The following PNPT1 variants were observed in gnomAD, a reference collection of about 807,000 sequenced individuals.
The protein encoded by PNPT1 is polyribonucleotide nucleotidyltransferase 1, mitochondrial.
PNPT1 carries 53 observed loss-of-function variants against 119.5 expected under a neutral mutation model. The ratio of observed to expected loss-of-function variants is 0.44; its 90% CI spans 0.36 to 0.56. PNPT1 has a LOEUF of 0.56. Among genes scored for constraint, PNPT1 ranks in the 20% least tolerant of loss-of-function variants. The probability of loss-of-function intolerance (pLI) is 0.00; values close to 1 mark genes in which losing one functional copy is unlikely to be tolerated. For missense variants in PNPT1, 948 were observed against 938.5 expected (o/e 1.01, Z -0.13); for synonymous variants, 357 against 322.1 (o/e 1.11, Z -1.16).
intron 8 of PNPT1, among the ~76,000 whole-genome samples, chr2:55,679,340 T>C (rs1697176392): frequency 6.6e-6 from 1 of 152,176 alleles, no homozygotes; most frequent in Non-Finnish European, 1.5e-5. Flanking sequence ...ATTTTTAAAA[T>C]AAGTTATTTA....
In PNPT1 at chr2:55,646,315, A is replaced by C; in HGVS notation, c.1682T>G (p.Ile561Ser). The C allele has an allele frequency of 6.2e-7, 1 of 1,612,444 alleles. No individual in the cohort carries two copies. The highest frequency in any genetic ancestry group is 8.5e-7 in the Non-Finnish European group (1 of 1,178,676). Residue 561 changes from isoleucine to serine, a missense_variant, in exon 21 of 28, where the codon ATT (isoleucine) becomes AGT (serine). Ile to Ser is a moderately radical substitution (Grantham distance 142). Coordinates refer to ENST00000447944, the MANE Select transcript of PNPT1 (RefSeq NM_033109.5). ...TTTTATTGGTATTCCAGGTAATTTA[A>C]TATCAGCCTAATATGGAAAAGTCAA... ...NKGITALQAD[I>S]KLPGIPIKIV...
At position 55,687,688 on chromosome 2, in the gene PNPT1, G is replaced by C. The variant is rs1321006057; in HGVS notation, c.179C>G (p.Ser60Cys). The change falls in exon 2 of 28, where the codon TCT becomes TGT. Residue 60 changes from serine (S) to cysteine (C), a missense_variant. By Grantham distance (112) the Ser-to-Cys change is moderately radical. Transcript: ENST00000447944. ...ATCTGCAAATCTGGCCAGCTTTCCA[G>C]AAGATATTTCTAATTTCCTGTTTAA... ...DLGNRKLEIS[S>C]GKLARFADGS... 1.9e-6 allele frequency: 3 copies of C among 1,602,098 alleles called. No homozygotes were observed. Among genetic ancestry groups the C allele is most frequent in the Non-Finnish European group, 2.6e-6 (3 of 1,175,748 alleles).
chr2:55,640,295 A>G (rs747891985), intron 26 of PNPT1, among the ~76,000 whole-genome samples: 10 of 152,138 alleles, frequency 6.6e-5, no homozygotes, highest in African/African-American at 1.7e-4. Context: ...CTAAGACTAC[A>G]TGCGCACGCC....
Position 55,680,118 on chromosome 2 carries a change from C to A in PNPT1, c.566-323G>T, listed in dbSNP as rs1697198838. ...ACTAAGGTTCAGCTTACACAAATGACTACTCTGAGGAGCCCTCCTTGACAA... is the reference window on the plus strand; with the variant it reads ...ACTAAGGTTCAGCTTACACAAATGAATACTCTGAGGAGCCCTCCTTGACAA... On this transcript the variant is annotated intron_variant, in intron 7 of 27. Coordinates refer to ENST00000447944, the MANE Select transcript of PNPT1 (RefSeq NM_033109.5). 2.6e-5 allele frequency among the ~76,000 whole-genome samples: 4 copies of A among 152,318 alleles called. No individual in the cohort carries two copies. In the South Asian group the frequency reaches 8.3e-4, roughly 32 times the overall value.
chr2:55,680,746 G>A lies in PNPT1; in HGVS notation c.531C>T (p.Leu177=), dbSNP rs768783323. 1.5e-5 allele frequency: 25 copies of A among 1,613,290 alleles called. No individual in the cohort carries two copies. The highest frequency in any genetic ancestry group is 2.0e-5 in the Non-Finnish European group (24 of 1,179,840). The change falls in exon 7 of 28, where the codon CTC becomes CTT. Residue 177 remains leucine, a synonymous_variant. Coordinates refer to ENST00000447944, the MANE Select transcript of PNPT1 (RefSeq NM_033109.5). ...VLAINGASVA[L]SLSDIPWNGP... ...CATTCCAAGGAATATCTGATAATGA[G>A]AGGGCTACGGAAGCTTAAAAAAGGA...
At chr2:55,680,606 AAGAGGTAATAAATC>A in intron 7 of PNPT1, 92 bp downstream of exon 7, 1 of 1,015,258 alleles carries the variant, frequency 9.8e-7, no homozygotes, top group Non-Finnish European at 1.5e-6. Context: ...TCAATTCATG[AAGAGGTAATAAATC>A]AGAGCCATAT....
At chr2:55,684,149 A>C (rs900242774) in intron 4 of PNPT1, among the ~76,000 whole-genome samples, 5 of 152,214 alleles carry the variant, frequency 3.3e-5, no homozygotes, top group Non-Finnish European at 5.9e-5. Flanking sequence ...CCAAAAGAAA[A>C]TGCTTCCTTG....
At chr2:55,650,647 G>A (rs1696148265) in intron 18 of PNPT1, among the ~76,000 whole-genome samples, 1 of 142,658 alleles carries the variant, frequency 7.0e-6, no homozygotes, top group African/African-American at 2.7e-5. Flanking sequence ...GCCGCCCATC[G>A]TCTGAGATGT....
Position 55,672,024 on chromosome 2 carries a change from CAT to C in PNPT1, c.887_888del (p.Tyr296CysfsTer9), listed in dbSNP as rs1400164853. 11 of 1,602,572 alleles carry C rather than the reference CAT, an allele frequency of 6.9e-6. No homozygotes were observed. The highest frequency in any genetic ancestry group is 7.7e-6 in the Non-Finnish European group (9 of 1,175,026). ...YTHKLAMERL[Y>X]AVFTDYEHDK... is the part of the protein sequence containing the mutation. The stretch of plus-strand genomic sequence containing the variant: ...TCATGCTCGTAATCTGTAAAAACTG[CAT>C]AGAGTCTCTCCATAGCAAGTCTATT... On this transcript the variant is annotated frameshift_variant, in exon 10 of 28. Transcript: ENST00000447944. LOFTEE classifies it high-confidence loss of function.
chr2:55,651,899 A>AC (rs1402556297), intron 18 of PNPT1, among the ~76,000 whole-genome samples: 12 of 151,410 alleles, frequency 7.9e-5, no homozygotes, highest in African/African-American at 2.9e-4. Flanking sequence ...AAAAAAAAAA[A>AC]AAAAACAATA....
Position 55,686,454 on chromosome 2 carries a change from A to T in PNPT1, c.223-10T>A. ...CTGCAGTGTCACCTGACTTAAACAT[A>T]AAGAACAACGCTGGTAAGTTCCTTT... is the stretch of plus-strand genomic sequence containing the variant. On this transcript the variant is annotated splice_polypyrimidine_tract_variant and intron_variant, in intron 2 of 27. Coordinates refer to ENST00000447944, the MANE Select transcript of PNPT1 (RefSeq NM_033109.5). The T allele has an allele frequency of 6.2e-7, 1 of 1,609,836 alleles. No homozygotes were observed. Among genetic ancestry groups the T allele is most frequent in the African/African-American group, 1.3e-5 (1 of 74,938 alleles).
rs1207839416 is a variant in PNPT1 at position 55,661,980 on chromosome 2, G to A, written c.1223C>T (p.Ser408Leu). 7.0e-6 allele frequency: 11 copies of A among 1,574,304 alleles called. No homozygotes were observed. Among genetic ancestry groups the A allele is most frequent in the Non-Finnish European group, 9.4e-6 (11 of 1,167,216 alleles). ...TFDSLESGIK[S>L]DQVITAINGI... ...CTTTATAGCTGTTATAACTTGATCTGACTTAATACCAGATTCTAATGAATC... is the reference window on the plus strand; with the variant it reads ...CTTTATAGCTGTTATAACTTGATCTAACTTAATACCAGATTCTAATGAATC... The change falls in exon 14 of 28, where the codon TCA (serine) becomes TTA (leucine). Residue 408 changes from serine to leucine, a missense_variant. Coordinates refer to ENST00000447944, the MANE Select transcript of PNPT1 (RefSeq NM_033109.5).
intron 27 of PNPT1, 62 bp from the exon 28 acceptor site, chr2:55,636,454 T>TA: frequency 6.5e-7 from 1 of 1,526,726 alleles, no homozygotes; most frequent in Non-Finnish European, 9.0e-7. Flanking sequence ...TCTAAACTAA[T>TA]AGACATTTAA....
chr2:55,691,878 A>ATATATATATATATATATTTTTT, intron 1 of PNPT1, among the ~76,000 whole-genome samples: 1 of 33,128 alleles, frequency 3.0e-5, no homozygotes, highest in Non-Finnish European at 5.9e-5. Flanking sequence ...ATATATATAT[A>ATATATATATATATATATTTTTT]TTTTTTTTTT....
In PNPT1 at chr2:55,686,373, CA is replaced by C; in HGVS notation, c.293del (p.Leu98TrpfsTer20). 6.2e-7 allele frequency: 1 copy of C among 1,609,344 alleles called. No homozygotes were observed. Among genetic ancestry groups the C allele is most frequent in the African/African-American group, 1.3e-5 (1 of 74,938 alleles). On this transcript the variant is annotated frameshift_variant, in exon 3 of 28. Transcript: ENST00000447944. LOFTEE classifies it high-confidence loss of function. ...TKPSPSQFMP[L>X]VVDYRQKAAA... ...AGATAAATCAGCAAATACTTACCAC[CA>C]AAGGCATAAACTGGGAAGGGGAAGG...
chr2:55,681,634 C>A (rs989537279), intron 5 of PNPT1, among the ~76,000 whole-genome samples: 13 of 150,952 alleles, frequency 8.6e-5, no homozygotes, highest in African/African-American at 3.2e-4. Context: ...CACTTGAGGT[C>A]GGGAGTTCAA....
chr2:55,692,708 T>C (rs1334383676), intron 1 of PNPT1, among the ~76,000 whole-genome samples: 1 of 152,156 alleles, frequency 6.6e-6, no homozygotes, highest in African/African-American at 2.4e-5. Flanking sequence ...TTTAAAAAGA[T>C]TGCGAGGATC....
Position 55,643,338 on chromosome 2 carries a change from G to A in PNPT1, c.1994C>T (p.Thr665Ile). Residue 665 changes from threonine (T) to isoleucine (I), a missense_variant, in exon 24 of 28, where the codon ACT becomes ATT. By Grantham distance (89) the Thr-to-Ile change is moderately conservative (BLOSUM62 -1). Coordinates refer to ENST00000447944, the MANE Select transcript of PNPT1 (RefSeq NM_033109.5). ...SAMHEARDFI[T>I]EICKDDQEQQ... ...ACTTACATCATCCTTGCAGATTTCAGTAATGAAGTCTCTTGCCTCATGCAT... is the reference window on the plus strand; with the variant it reads ...ACTTACATCATCCTTGCAGATTTCAATAATGAAGTCTCTTGCCTCATGCAT... 6.2e-7 allele frequency: 1 copy of A among 1,613,972 alleles called. No homozygotes were observed.
At chr2:55,655,020 G>A in intron 17 of PNPT1, 67 bp from the exon 18 acceptor site, 2 of 1,356,842 alleles carry the variant, frequency 1.5e-6, no homozygotes, top group Non-Finnish European at 1.0e-6. Flanking sequence ...TGTTACTATT[G>A]GTTATTTCCT....
Sources: gnomAD v4.1 joint callset for allele counts (sites outside exome capture counted in the v4.1 genomes callset) on GRCh38, gnomAD v4.1.1 for gene constraint, MANE v1.5 for transcripts, NCBI Gene and HGNC (gene_info 2026-07-23, HGNC 2026-07-21) for gene names.